CTNNA3: variants seen among roughly 807,000 people sequenced by gnomAD.
CTNNA3 encodes the protein catenin alpha-3.
Under a neutral mutation model 95.7 loss-of-function variants are expected in CTNNA3, and 76 were observed. That is an observed-to-expected ratio of 0.79 (90% confidence interval 0.66 to 0.96). The LOEUF (loss-of-function observed/expected upper bound fraction) is 0.96. Ranked by LOEUF, CTNNA3 falls within the 40% of genes least tolerant of loss-of-function variation. The pLI is 0.00. For missense variants in CTNNA3, 1,191 were observed against 1,089.8 expected (o/e 1.09, Z -1.31); for synonymous variants, 431 against 374.4 (o/e 1.15, Z -1.74).
intron 9 of CTNNA3, among the ~76,000 whole-genome samples, chr10:66,745,586 C>CA (rs1209613213): frequency 8.5e-6 from 1 of 117,540 alleles, no homozygotes; most frequent in East Asian, 2.7e-4. Flanking sequence ...ATGCAGACAG[C>CA]CTTTTTTTTT....
At chr10:66,085,165 T>G (rs577290713) in intron 14 of CTNNA3, 9 of 152,116 alleles carry the variant, frequency 5.9e-5, no homozygotes, top group Non-Finnish European at 1.3e-4. Context: ...GTTTAAAAGA[T>G]TTGTAGAAGA....
At chr10:67,751,140 G>A (rs1198504432) in intron 1 of CTNNA3, 2 of 1,322,344 alleles carry the variant, frequency 1.5e-6, no homozygotes, top group Non-Finnish European at 2.2e-6. Flanking sequence ...TGAGGAGATG[G>A]CAACCACACT....
chr10:67,195,511 C>T (rs1418214492), intron 6 of CTNNA3, among the ~76,000 whole-genome samples: 10 of 124,854 alleles, frequency 8.0e-5, no homozygotes, highest in Non-Finnish European at 1.7e-4. Flanking sequence ...ATATCGGGGG[C>T]GGGGGGCGGG....
intron 7 of CTNNA3, among the ~76,000 whole-genome samples, chr10:67,179,021 A>G (rs1040974886): frequency 6.6e-6 from 1 of 152,132 alleles, no homozygotes; most frequent in East Asian, 1.9e-4. Context: ...TCAAATATTA[A>G]GAGTATGAAG....
intron 10 of CTNNA3, among the ~76,000 whole-genome samples, chr10:66,593,331 T>A (rs148375590): frequency 1.1e-4 from 16 of 152,202 alleles, no homozygotes; most frequent in African/African-American, 3.1e-4. Flanking sequence ...GACATAGAGT[T>A]GTGAATAAAA....
chr10:67,689,153 T>C (rs1479303580), intron 1 of CTNNA3, among the ~76,000 whole-genome samples: 1 of 152,120 alleles, frequency 6.6e-6, no homozygotes, highest in Non-Finnish European at 1.5e-5. Flanking sequence ...GCCCCAAAAA[T>C]GAACTGGACG....
Position 67,694,088 on chromosome 10 carries a change from A to G in CTNNA3, c.-6+1912T>C, listed in dbSNP as rs150192246. Among the ~76,000 whole-genome samples the G allele has an allele frequency of 2.2e-3, 328 of 152,332 alleles. 2 individuals carry two copies. Among genetic ancestry groups the G allele is most frequent in the African/African-American group, 7.4e-3 (309 of 41,586 alleles). ...CACAGTTGTATCATAAAAGTCATAT[A>G]AATCACTATGTCTACATGGTCTTCT... On this transcript the variant is annotated intron_variant, in intron 1 of 17. Transcript: ENST00000433211.
chr10:66,700,365 G>A (rs577167557), intron 9 of CTNNA3, among the ~76,000 whole-genome samples: 6 of 152,062 alleles, frequency 3.9e-5, no homozygotes, highest in African/African-American at 1.2e-4. Flanking sequence ...TCCAGTTTTC[G>A]CAACACCAGT....
intron 10 of CTNNA3, among the ~76,000 whole-genome samples, chr10:66,593,415 T>A (rs1342878166): frequency 6.6e-6 from 1 of 152,166 alleles, no homozygotes; most frequent in East Asian, 1.9e-4. Context: ...ATCTGTAGTT[T>A]GCATCAGAAT....
intron 7 of CTNNA3, among the ~76,000 whole-genome samples, chr10:66,843,505 G>T (rs575714497): frequency 1.3e-5 from 2 of 152,274 alleles, no homozygotes; most frequent in South Asian, 4.1e-4. Flanking sequence ...GCTATGAAAT[G>T]GATTTCTTTG....
intron 5 of CTNNA3, among the ~76,000 whole-genome samples, chr10:67,385,416 C>T (rs1844115250): frequency 6.6e-6 from 1 of 152,194 alleles, no homozygotes; most frequent in African/African-American, 2.4e-5. Flanking sequence ...CCAAAAAGAA[C>T]ACTTCTACCT....
At chr10:66,081,091 T>C (rs2080742360) in intron 14 of CTNNA3, among the ~76,000 whole-genome samples, 1 of 152,044 alleles carries the variant, frequency 6.6e-6, no homozygotes, top group African/African-American at 2.4e-5. Context: ...AAGGAGAAAT[T>C]TAAGGCTTTC....
chr10:66,417,353 C>A (rs78185835), intron 11 of CTNNA3, among the ~76,000 whole-genome samples: 1 of 151,892 alleles, frequency 6.6e-6, no homozygotes, highest in Non-Finnish European at 1.5e-5. Flanking sequence ...TATATATGCA[C>A]CCAAAACTGG....
At chr10:67,103,664 G>A (rs1396330059) in intron 7 of CTNNA3, among the ~76,000 whole-genome samples, 1 of 151,528 alleles carries the variant, frequency 6.6e-6, no homozygotes, top group East Asian at 1.9e-4. Context: ...AGGCTCTAAG[G>A]ATGTGCTCCT....
intron 13 of CTNNA3, among the ~76,000 whole-genome samples, chr10:66,190,606 C>A (rs1407255781): frequency 6.6e-6 from 1 of 152,134 alleles, no homozygotes; most frequent in East Asian, 1.9e-4. Context: ...TGCCTATATG[C>A]AAGTCAGCAA....
At chr10:66,565,119 G>A (rs1209898786) in intron 10 of CTNNA3, among the ~76,000 whole-genome samples, 2 of 152,062 alleles carry the variant, frequency 1.3e-5, no homozygotes, top group Non-Finnish European at 2.9e-5. Flanking sequence ...GGAGCTTCTT[G>A]GAGTAATGAC....
chr10:67,000,118 T>C (rs920307395), intron 7 of CTNNA3, among the ~76,000 whole-genome samples: 1 of 152,178 alleles, frequency 6.6e-6, no homozygotes, highest in African/African-American at 2.4e-5. Context: ...GAAGGCTCTA[T>C]TGTAAAAATA....
intron 9 of CTNNA3, among the ~76,000 whole-genome samples, chr10:66,749,861 G>C (rs955288858): frequency 1.3e-5 from 2 of 152,136 alleles, no homozygotes; most frequent in African/African-American, 4.8e-5. Flanking sequence ...TTCTTGCTCG[G>C]CATCCTCACC....
chr10:66,716,116 C>T (rs1848441881), intron 9 of CTNNA3, among the ~76,000 whole-genome samples: 1 of 152,086 alleles, frequency 6.6e-6, no homozygotes, highest in East Asian at 1.9e-4. Flanking sequence ...ACACTTCATA[C>T]TTATTTTCTC....
Sources: allele counts gnomAD v4.1 joint callset (sites outside exome capture counted in the v4.1 genomes callset), GRCh38; gene constraint gnomAD v4.1.1; transcripts MANE v1.5; gene names NCBI Gene and HGNC (gene_info 2026-07-23, HGNC 2026-07-21).